Variants in TNRC6B observed in about 807,000 individuals in gnomAD.
The protein encoded by TNRC6B is trinucleotide repeat-containing gene 6B protein.
A neutral mutation model predicts 203.6 loss-of-function variants in TNRC6B; 52 were observed. The ratio of observed to expected loss-of-function variants is 0.26; its 90% CI spans 0.20 to 0.32. TNRC6B has a LOEUF of 0.32. Ranked by LOEUF, TNRC6B falls within the 10% of genes least tolerant of loss-of-function variation. TNRC6B has a pLI of 1.00. For missense variants in TNRC6B, 1,923 were observed against 2,286.2 expected, an observed-to-expected ratio of 0.84 and a Z score of 3.24; for synonymous variants, 838 against 845.7, an observed-to-expected ratio of 0.99 and a Z score of 0.16.
rs1254388596 is a variant in TNRC6B, at chr22:40,265,464, C to G, written c.1234C>G (p.Gln412Glu). 3.1e-6 allele frequency: 5 copies of G among 1,613,964 alleles called. No individual in the cohort carries two copies. In the South Asian group the frequency reaches 5.5e-5, roughly 18 times the overall value. Residue 412 changes from glutamine to glutamate, a missense_variant, in exon 5 of 23, where the codon CAA (glutamine) becomes GAA (glutamate). Physicochemically the swap from Gln to Glu is conservative, Grantham distance 29. Around this residue, in one of 8 missense-constraint regions of TNRC6B, gnomAD observed 614 missense variants for 587.7 expected, o/e 1.04. Transcript: ENST00000454349. The stretch of plus-strand genomic sequence containing the variant: ...CTCCAGGAGCACTGATGCCCCTTCA[C>G]AAAGCACTGGAGATCGAAAGACTGG... ...NTSRSTDAPSQSTGDRKTGSV... is the reference protein window; with the variant it reads ...NTSRSTDAPSESTGDRKTGSV...
intron 1 of TNRC6B, among the ~76,000 whole-genome samples, chr22:40,186,998 G>A (rs564293002): frequency 8.5e-5 from 13 of 152,052 alleles, no homozygotes; most frequent in African/African-American, 2.9e-4. Flanking sequence ...ACTTTTTCAT[G>A]GAAAAGTAGG....
chr22:40,139,491 C>T (rs907034041), intron 3 of TNRC6B, among the ~76,000 whole-genome samples: 1 of 152,060 alleles, frequency 6.6e-6, no homozygotes, highest in Non-Finnish European at 1.5e-5. Context: ...GCTGCCATGC[C>T]CAGCTAATTT....
intron 3 of TNRC6B, among the ~76,000 whole-genome samples, chr22:40,129,890 T>C (rs1462907379): frequency 6.6e-6 from 1 of 152,236 alleles, no homozygotes; most frequent in East Asian, 1.9e-4. Flanking sequence ...GTATTTACTT[T>C]GTACATGTTT....
chr22:40,238,730 C>G (rs1408574542), intron 1 of TNRC6B, among the ~76,000 whole-genome samples: 1 of 152,252 alleles, frequency 6.6e-6, no homozygotes, highest in East Asian at 1.9e-4. Flanking sequence ...CCACCTCTCT[C>G]CTTCTCTGTC....
Position 40,270,065 on chromosome 22 carries a change from G to A in TNRC6B, c.2807-57G>A, listed in dbSNP as rs980106239. 7 of 1,530,118 alleles carry A rather than the reference G, an allele frequency of 4.6e-6. No homozygotes were observed. In the African/African-American group the frequency reaches 9.7e-5, roughly 21 times the overall value. 94.8% of individuals were successfully genotyped at this position (1,530,118 alleles called of 1,614,324 possible). Reference sequence around the variant, plus strand: ...TGTTCCTTCCACCTTCACCCCACTGGATATTATGGCATTTCATTTAACAAA... The same window carrying A: ...TGTTCCTTCCACCTTCACCCCACTGAATATTATGGCATTTCATTTAACAAA... On this transcript the variant is annotated intron_variant, in intron 5 of 22. Coordinates refer to ENST00000454349, the MANE Select transcript of TNRC6B (RefSeq NM_001162501.2).
chr22:40,132,969 A>AAATAAAAAAAAAAAAATATATAT (rs1282694632), intron 3 of TNRC6B, among the ~76,000 whole-genome samples: 1 of 78,174 alleles, frequency 1.3e-5, no homozygotes, highest in Non-Finnish European at 2.6e-5. Flanking sequence ...AAAAAAAAAA[A>AAATAAAAAAAAAAAAATATATAT]ATATATATAT....
chr22:40,264,970 C>T lies in TNRC6B; in HGVS notation c.740C>T (p.Ser247Phe), dbSNP rs771941379. The change falls in exon 5 of 23, where the codon TCT (serine) becomes TTT (phenylalanine). Residue 247 changes from serine to phenylalanine, a missense_variant. Physicochemically the swap from Ser to Phe is radical, Grantham distance 155 (BLOSUM62 -2). This residue lies in a region of TNRC6B where 614 missense variants were observed against 587.7 expected (regional missense o/e 1.04). Transcript: ENST00000454349. ...SNKGKGSQCQ[S>F]ASSGNECNLG... is the part of the protein sequence containing the mutation. Reference sequence around the variant, plus strand: ...AAAGGAAAAGGGAGCCAGTGCCAGTCTGCAAGTTCTGGGAACGAATGTAAT... The same window carrying T: ...AAAGGAAAAGGGAGCCAGTGCCAGTTTGCAAGTTCTGGGAACGAATGTAAT... 6.2e-7 allele frequency: 1 copy of T among 1,613,954 alleles called. No homozygotes were observed. Among genetic ancestry groups the T allele is most frequent in the Non-Finnish European group, 8.5e-7 (1 of 1,179,886 alleles).
intron 12 of TNRC6B, among the ~76,000 whole-genome samples, chr22:40,288,762 C>T (rs149083484): frequency 6.7e-6 from 1 of 149,788 alleles, no homozygotes; most frequent in Non-Finnish European, 1.5e-5. Context: ...AGGCTGGTCT[C>T]GAACTCCTGA....
At chr22:40,260,966 T>C (rs2070372802) in intron 3 of TNRC6B, among the ~76,000 whole-genome samples, 1 of 152,188 alleles carries the variant, frequency 6.6e-6, no homozygotes, top group Admixed American at 6.5e-5. Context: ...ATTGGTACCA[T>C]GTAAGCTTTC....
intron 3 of TNRC6B, among the ~76,000 whole-genome samples, chr22:40,154,872 TATATATATATATATATATATATAC>T (rs1569000882): frequency 0.026 from 1,104 of 42,616 alleles, 22 homozygotes; most frequent in East Asian, 0.035. Flanking sequence ...TATATATATA[TATATATATATATATATATATATAC>T]ATATATATAT....
At chr22:40,101,173 T>C (rs2068237811) in intron 1 of TNRC6B, among the ~76,000 whole-genome samples, 1 of 152,116 alleles carries the variant, frequency 6.6e-6, no homozygotes, top group Non-Finnish European at 1.5e-5. Flanking sequence ...TTTGTATCTT[T>C]AGTAGAGATG....
intron 1 of TNRC6B, among the ~76,000 whole-genome samples, chr22:40,222,332 G>A (rs1410613494): frequency 1.3e-5 from 2 of 152,186 alleles, no homozygotes; most frequent in African/African-American, 4.8e-5. Flanking sequence ...ATGCATAGAT[G>A]AAAGGGAAGT....
At chr22:40,058,009 A>G (rs1370290806) in intron 1 of TNRC6B, among the ~76,000 whole-genome samples, 2 of 152,216 alleles carry the variant, frequency 1.3e-5, no homozygotes, top group Admixed American at 1.3e-4. Flanking sequence ...TTTTTACTAT[A>G]CAAGTTTTAT....
intron 12 of TNRC6B, among the ~76,000 whole-genome samples, chr22:40,299,070 G>C (rs113659699): frequency 6.6e-6 from 1 of 150,742 alleles, no homozygotes. Context: ...GAGACCAGCC[G>C]GGAGGTCAAG....
intron 21 of TNRC6B, among the ~76,000 whole-genome samples, chr22:40,316,364 A>C (rs1486143291): frequency 1.3e-5 from 2 of 150,116 alleles, no homozygotes; most frequent in Non-Finnish European, 3.0e-5. Context: ...AAAAAAAAAA[A>C]CAAAAAAAAA....
intron 1 of TNRC6B, among the ~76,000 whole-genome samples, chr22:40,192,071 C>A (rs1296121259): frequency 1.3e-5 from 2 of 152,032 alleles, no homozygotes; most frequent in Non-Finnish European, 2.9e-5. Context: ...TTTTGCCTAG[C>A]CTGCTCCCGA....
intron 1 of TNRC6B, among the ~76,000 whole-genome samples, chr22:40,058,760 A>G (rs80336397): frequency 7.5e-4 from 114 of 152,178 alleles, no homozygotes; most frequent in African/African-American, 2.7e-3. Flanking sequence ...GAATCTTGAA[A>G]TTCTGACACA....
At chr22:40,059,429 C>A (rs1472442858) in intron 1 of TNRC6B, among the ~76,000 whole-genome samples, 1 of 152,168 alleles carries the variant, frequency 6.6e-6, no homozygotes, top group Non-Finnish European at 1.5e-5. Flanking sequence ...AATTTACTTT[C>A]CAGTCTTTGA....
intron 3 of TNRC6B, among the ~76,000 whole-genome samples, chr22:40,130,833 G>A (rs1219057535): frequency 2.0e-5 from 3 of 150,982 alleles, no homozygotes; most frequent in South Asian, 2.1e-4. Flanking sequence ...CGGTCAATAT[G>A]GTTTACAAAA....
Sources: gnomAD v4.1 joint callset for allele counts (sites outside exome capture counted in the v4.1 genomes callset) on GRCh38, gnomAD v4.1.1 for gene constraint, gnomAD v4.1.1 regional missense constraint, MANE v1.5 for transcripts, NCBI Gene and HGNC (gene_info 2026-07-23, HGNC 2026-07-21) for gene names.